Variants in ZFP1 observed in about 807,000 individuals in gnomAD.
ZFP1 encodes zinc finger protein 1 homolog.
ZFP1 carries 32 observed loss-of-function variants against 38.5 expected under a neutral mutation model. The observed-to-expected ratio is 0.83, with a 90% CI of 0.63 to 1.12. The LOEUF (loss-of-function observed/expected upper bound fraction) is 1.12. Ranked by LOEUF, ZFP1 falls within the 50% of genes most tolerant of loss-of-function variation. The pLI, the probability that ZFP1 is intolerant of heterozygous loss-of-function variation, is 0.00. For missense variants in ZFP1, 616 were observed against 480.8 expected (o/e 1.28, Z -2.63); for synonymous variants, 245 against 168.8 (o/e 1.45, Z -3.50).
intron 1 of ZFP1, among the ~76,000 whole-genome samples, chr16:75,151,016 C>G (rs2037175056): frequency 6.6e-6 from 1 of 152,022 alleles, no homozygotes; most frequent in South Asian, 2.1e-4. Context: ...AGCCACCACA[C>G]TCAGCTAATT....
the ZFP1 span, among the ~76,000 whole-genome samples, chr16:75,121,244 A>C: frequency 2.0e-5 from 3 of 150,578 alleles, no homozygotes; most frequent in Non-Finnish European, 3.0e-5. Flanking sequence ...TACTCCAGAG[A>C]GTACAGACAT....
the ZFP1 span, among the ~76,000 whole-genome samples, chr16:75,119,757 C>T: frequency 1.3e-5 from 2 of 151,804 alleles, no homozygotes; most frequent in Admixed American, 6.6e-5. Flanking sequence ...AGTCTTTTTC[C>T]CATTGGGTTT....
chr16:75,158,520 TA>T (rs1351390159), intron 2 of ZFP1, among the ~76,000 whole-genome samples: 1 of 151,636 alleles, frequency 6.6e-6, no homozygotes, highest in Non-Finnish European at 1.5e-5. Context: ...TAATTTTTTT[TA>T]TTTTTTTTGT....
the ZFP1 span, among the ~76,000 whole-genome samples, chr16:75,140,989 A>G: frequency 6.6e-6 from 1 of 152,044 alleles, no homozygotes; most frequent in East Asian, 1.9e-4. Flanking sequence ...AGAAAAGTCT[A>G]AACTTGTCAT....
rs774266564 is a variant in ZFP1 at position 75,170,193 on chromosome 16, C to T, written c.1083C>T (p.Phe361=). Residue 361 remains phenylalanine (F), a synonymous_variant, in exon 4 of 4, where the codon TTC becomes TTT. Transcript: ENST00000570010. ...AATGTACTGAGTGCGGCAAAACTTTCAGCCAGAGGTCAACTCTTAGATTAC... is the reference window on the plus strand; with the variant it reads ...AATGTACTGAGTGCGGCAAAACTTTTAGCCAGAGGTCAACTCTTAGATTAC... ...PYECTECGKT[F]SQRSTLRLHL... is the part of the protein sequence containing the mutation. The T allele has an allele frequency of 4.3e-6, 7 of 1,614,030 alleles. No homozygotes were observed. Among genetic ancestry groups the T allele is most frequent in the Non-Finnish European group, 5.9e-6 (7 of 1,180,020 alleles).
At chr16:75,162,685 CCA>C (rs2037848410) in intron 2 of ZFP1, among the ~76,000 whole-genome samples, 1 of 152,046 alleles carries the variant, frequency 6.6e-6, no homozygotes, top group African/African-American at 2.4e-5. Flanking sequence ...CCAGTAGATC[CCA>C]GTGTCTGTTG....
At chr16:75,140,946 A>G in the ZFP1 span, among the ~76,000 whole-genome samples, 5 of 151,922 alleles carry the variant, frequency 3.3e-5, no homozygotes, top group African/African-American at 9.7e-5. Flanking sequence ...GCGACAGAGC[A>G]AGACTCCATC....
the ZFP1 span, among the ~76,000 whole-genome samples, chr16:75,130,657 AT>A: frequency 6.6e-6 from 1 of 152,052 alleles, no homozygotes; most frequent in African/African-American, 2.4e-5. Context: ...ACCAACTGTT[AT>A]TTTAGAGAAA....
At chr16:75,130,256 C>T in the ZFP1 span, among the ~76,000 whole-genome samples, 3 of 152,172 alleles carry the variant, frequency 2.0e-5, no homozygotes, top group African/African-American at 4.8e-5. Flanking sequence ...CTGCCTCAGC[C>T]TCCCAAAATG....
intron 2 of ZFP1, among the ~76,000 whole-genome samples, chr16:75,165,660 T>C (rs987172994): frequency 1.3e-5 from 2 of 152,176 alleles, no homozygotes; most frequent in African/African-American, 4.8e-5. Context: ...GTGCTGGGAT[T>C]ACAGGCCTGA....
the ZFP1 span, among the ~76,000 whole-genome samples, chr16:75,140,546 A>G: frequency 6.6e-6 from 1 of 152,250 alleles, no homozygotes; most frequent in Non-Finnish European, 1.5e-5. Context: ...TGTAAGCTCC[A>G]CCAGGACAGA....
At chr16:75,164,168 C>G (rs574376389) in intron 2 of ZFP1, among the ~76,000 whole-genome samples, 14 of 152,218 alleles carry the variant, frequency 9.2e-5, no homozygotes, top group African/African-American at 2.9e-4. Context: ...TTAGCTGGAT[C>G]ATTGAAGTTT....
intron 3 of ZFP1, 50 bp from the exon 4 acceptor site, chr16:75,169,200 CATT>C (rs754567129): frequency 9.7e-6 from 15 of 1,542,674 alleles, no homozygotes; most frequent in Non-Finnish European, 1.3e-5. Context: ...CATTCGGTAA[CATT>C]ATAGCGGAGG....
chr16:75,167,555 T>C (rs949281708), intron 3 of ZFP1, among the ~76,000 whole-genome samples: 1 of 152,202 alleles, frequency 6.6e-6, no homozygotes, highest in Non-Finnish European at 1.5e-5. Flanking sequence ...GTCTTTGCTA[T>C]TATGCATAGT....
In ZFP1 at chr16:75,171,667, T is replaced by G. The variant is rs2038439901; in HGVS notation, c.*1333T>G. 1 of 152,236 alleles carries G rather than the reference T, an allele frequency of 6.6e-6. No individual in the cohort carries two copies. The highest frequency in any genetic ancestry group is 1.5e-5 in the Non-Finnish European group (1 of 68,040). The allele number at this position is 152,236 out of a possible 1,614,324, so 9.4% of individuals were successfully genotyped here. On this transcript the variant is annotated 3_prime_UTR_variant, in exon 4 of 4. Transcript: ENST00000570010. The stretch of plus-strand genomic sequence containing the variant: ...CAATCACAAATCATGTATTGGAAAT[T>G]ATAAATGGCAACCAAAAACTGGCTT...
the ZFP1 span, among the ~76,000 whole-genome samples, chr16:75,141,272 G>A: frequency 7.1e-6 from 1 of 140,656 alleles, no homozygotes; most frequent in African/African-American, 2.7e-5. Flanking sequence ...GTGCAATCTC[G>A]GCTCACTGCA....
At chr16:75,163,610 C>CT (rs58242565) in intron 2 of ZFP1, among the ~76,000 whole-genome samples, 3,192 of 144,352 alleles carry the variant, frequency 0.022, 82 homozygotes, top group Non-Finnish European at 0.025. Context: ...TGCACCCAGC[C>CT]TTTTTTTTTT....
chr16:75,150,849 G>A (rs557979282), intron 1 of ZFP1, among the ~76,000 whole-genome samples: 14 of 152,276 alleles, frequency 9.2e-5, no homozygotes, highest in African/African-American at 3.1e-4. Context: ...GATTGAGACA[G>A]GGTCTGTCTC....
intron 2 of ZFP1, among the ~76,000 whole-genome samples, chr16:75,160,452 C>T (rs1256055157): frequency 6.6e-6 from 1 of 151,602 alleles, no homozygotes; most frequent in Non-Finnish European, 1.5e-5. Flanking sequence ...AAAATTTAGC[C>T]AAGTGTGGTG....
Sources: allele counts gnomAD v4.1 joint callset (sites outside exome capture counted in the v4.1 genomes callset), GRCh38; gene constraint gnomAD v4.1.1; transcripts MANE v1.5; gene names NCBI Gene and HGNC (gene_info 2026-07-23, HGNC 2026-07-21).